Variants in ROS1 observed in about 807,000 individuals in gnomAD.
The protein encoded by ROS1 is ROS proto-oncogene 1, receptor tyrosine kinase.
In ROS1, 263 loss-of-function variants were observed where a neutral mutation model predicts 273.5. The ratio of observed to expected loss-of-function variants is 0.96; its 90% CI spans 0.87 to 1.06. The LOEUF is 1.06. Ranked by LOEUF, ROS1 falls within the 50% of genes least tolerant of loss-of-function variation. ROS1 has a pLI of 0.00. For synonymous variants in ROS1, 1,008 were observed against 954.1 expected, an observed-to-expected ratio of 1.06 and a Z score of -1.04; for missense variants, 2,833 against 2,751.1, an observed-to-expected ratio of 1.03 and a Z score of -0.67.
chr6:117,315,654 TA>T (rs925995073), intron 39 of ROS1, among the ~76,000 whole-genome samples: 3 of 151,768 alleles, frequency 2.0e-5, no homozygotes, highest in Admixed American at 6.6e-5. Context: ...TCTCAAAAAT[TA>T]AAAAAAAGCA....
chr6:117,353,727 A>T (rs1299415696), intron 26 of ROS1, among the ~76,000 whole-genome samples: 1 of 152,182 alleles, frequency 6.6e-6, no homozygotes, highest in Non-Finnish European at 1.5e-5. Flanking sequence ...CAAATGTAAA[A>T]TCCTAAATTT....
chr6:117,300,517 C>G (rs1212731510), intron 43 of ROS1, among the ~76,000 whole-genome samples: 1 of 151,898 alleles, frequency 6.6e-6, no homozygotes, highest in African/African-American at 2.4e-5. Context: ...GAATAGTTGC[C>G]TGACAGGGAG....
Position 117,366,308 on chromosome 6 carries a change from C to G in ROS1, c.2583-18G>C, listed in dbSNP as rs1459872245. 8 of 1,588,934 alleles carry G rather than the reference C, an allele frequency of 5.0e-6. No individual in the cohort carries two copies. The highest frequency in any genetic ancestry group is 6.9e-6 in the Non-Finnish European group (8 of 1,157,504). ...CCCCAGTGCTGCTAAAACATAACAC[C>G]AATTAGTGTGTGTTTCTGGAGTGGT... On this transcript the variant is annotated intron_variant, in intron 18 of 43. Transcript: ENST00000368507.
intron 42 of ROS1, among the ~76,000 whole-genome samples, chr6:117,308,098 T>C (rs1490427327): frequency 6.6e-6 from 1 of 152,162 alleles, no homozygotes; most frequent in Non-Finnish European, 1.5e-5. Flanking sequence ...AAGACAATTC[T>C]TGGAAAAAGT....
intron 12 of ROS1, among the ~76,000 whole-genome samples, 169 bp from the exon 13 acceptor site, chr6:117,390,015 T>C (rs1420875637): frequency 6.6e-6 from 1 of 152,218 alleles, no homozygotes; most frequent in African/African-American, 2.4e-5. Context: ...ATATACTCTA[T>C]TCGTTTAAGT....
intron 42 of ROS1, among the ~76,000 whole-genome samples, chr6:117,302,897 A>C (rs1376507728): frequency 6.6e-6 from 1 of 152,152 alleles, no homozygotes; most frequent in African/African-American, 2.4e-5. Flanking sequence ...AAGCCTACAG[A>C]GGAGGTTTCC....
At chr6:117,365,864 T>C in intron 19 of ROS1, 123 bp from the exon 20 acceptor site, 1 of 956,310 alleles carries the variant, frequency 1.0e-6, no homozygotes, top group Non-Finnish European at 1.5e-6. Flanking sequence ...TTTTCTTTTC[T>C]TTAACATATC....
At chr6:117,410,707 T>C (rs1024377372) in intron 4 of ROS1, among the ~76,000 whole-genome samples, 1 of 152,154 alleles carries the variant, frequency 6.6e-6, no homozygotes, top group African/African-American at 2.4e-5. Context: ...TTTCTCATGG[T>C]AATAGCGGAA....
intron 18 of ROS1, among the ~76,000 whole-genome samples, chr6:117,369,422 A>T (rs1780554263): frequency 6.6e-6 from 1 of 152,128 alleles, no homozygotes; most frequent in African/African-American, 2.4e-5. Flanking sequence ...AAAATACAAA[A>T]AATTAGCCGG....
Position 117,311,088 on chromosome 6 carries a change from G to A in ROS1, c.6147C>T (p.Asp2049=), listed in dbSNP as rs1775509983. The part of the protein sequence containing the change: ...TFYGPLLTLV[D]LVDLCVDISK... ...AAATATCTACACACAGGTCTACAAG[G>A]TCAACCAAGGTGAGTAAAGGACCAT... The change falls in exon 40 of 44, where the codon GAC becomes GAT. Residue 2049 remains aspartate (D), a synonymous_variant. Transcript: ENST00000368507. The A allele has an allele frequency of 1.2e-6, 2 of 1,609,928 alleles. No homozygotes were observed. The highest frequency in any genetic ancestry group is 1.7e-6 in the Non-Finnish European group (2 of 1,178,038).
Position 117,356,701 on chromosome 6 carries a change from C to T in ROS1, c.4054G>A (p.Ala1352Thr), listed in dbSNP as rs1779340755. 1 of 1,614,178 alleles carries T rather than the reference C, an allele frequency of 6.2e-7. No homozygotes were observed. Among genetic ancestry groups the T allele is most frequent in the African/African-American group, 1.3e-5 (1 of 75,056 alleles). ...LEKPLIYFAK[A>T]QEIWAMDLEG... ...AGATCCATTGCCCAGATCTCTTGTGCTTTGGCAAAGTATATCAATGGTTTC... is the reference window on the plus strand; with the variant it reads ...AGATCCATTGCCCAGATCTCTTGTGTTTTGGCAAAGTATATCAATGGTTTC... Residue 1352 changes from alanine (A) to threonine (T), a missense_variant, in exon 26 of 44, where the codon GCA (alanine) becomes ACA (threonine). Ala to Thr is a moderately conservative substitution (Grantham distance 58, BLOSUM62 0). Coordinates refer to ENST00000368507, the MANE Select transcript of ROS1 (RefSeq NM_001378902.1).
At chr6:117,364,974 A>ATT in intron 21 of ROS1, 86 bp downstream of exon 21, 2 of 1,343,030 alleles carry the variant, frequency 1.5e-6, no homozygotes, top group East Asian at 4.7e-5. Context: ...ACTGAAAGTT[A>ATT]TTTTTAAATA....
chr6:117,348,184 T>C (rs889292961), intron 27 of ROS1, among the ~76,000 whole-genome samples: 2 of 152,046 alleles, frequency 1.3e-5, no homozygotes, highest in Non-Finnish European at 2.9e-5. Context: ...AAATGTTTGA[T>C]AGAATGCATC....
intron 18 of ROS1, among the ~76,000 whole-genome samples, chr6:117,377,710 T>C (rs1441898979): frequency 6.6e-6 from 1 of 151,882 alleles, no homozygotes; most frequent in East Asian, 1.9e-4. Context: ...AAATTGGACT[T>C]AATCGAAATG....
At chr6:117,351,460 A>T (rs999605977) in intron 27 of ROS1, among the ~76,000 whole-genome samples, 1 of 152,106 alleles carries the variant, frequency 6.6e-6, no homozygotes, top group Non-Finnish European at 1.5e-5. Context: ...TAAGAAAAAA[A>T]CCAGTTAAAG....
intron 22 of ROS1, among the ~76,000 whole-genome samples, chr6:117,361,550 T>C (rs1779804087): frequency 6.7e-6 from 1 of 148,242 alleles, no homozygotes; most frequent in South Asian, 2.1e-4. Context: ...TCTATATACA[T>C]ATTTATATTA....
At chr6:117,421,346 T>G (rs1023478364) in intron 1 of ROS1, among the ~76,000 whole-genome samples, 1 of 151,692 alleles carries the variant, frequency 6.6e-6, no homozygotes, top group East Asian at 1.9e-4. Flanking sequence ...GAGATCTTAG[T>G]GCACCTTTCA....
Position 117,357,801 on chromosome 6 carries a change from T to C in ROS1, c.3839+3A>G. The stretch of plus-strand genomic sequence containing the variant: ...ATATAAAAAAATACTTGCATTTACA[T>C]ACCTTAAAAGAGGATATACAGAAAA... On this transcript the variant is annotated splice_donor_region_variant and intron_variant, in intron 25 of 43. Transcript: ENST00000368507. 2.6e-6 allele frequency: 4 copies of C among 1,562,518 alleles called. No homozygotes were observed. Among genetic ancestry groups the C allele is most frequent in the Non-Finnish European group, 3.5e-6 (4 of 1,136,634 alleles).
chr6:117,326,180 C>T (rs780587468), intron 34 of ROS1, 44 bp downstream of exon 34: 10 of 1,175,338 alleles, frequency 8.5e-6, no homozygotes, highest in Non-Finnish European at 1.2e-5. Context: ...TATTACTGAA[C>T]CTTTAGGTAA....
Sources: gnomAD v4.1 joint callset for allele counts (sites outside exome capture counted in the v4.1 genomes callset) on GRCh38, gnomAD v4.1.1 for gene constraint, MANE v1.5 for transcripts, NCBI Gene and HGNC (gene_info 2026-07-23, HGNC 2026-07-21) for gene names.